Variants in GRIN2B observed in about 807,000 individuals in gnomAD.
GRIN2B encodes glutamate ionotropic receptor NMDA type subunit 2B.
GRIN2B carries 5 observed loss-of-function variants against 114.5 expected under a neutral mutation model. The observed-to-expected ratio is 0.04, with a 90% confidence interval of 0.02 to 0.09. GRIN2B has a LOEUF of 0.09. Ranked by LOEUF, GRIN2B falls within the 10% of genes least tolerant of loss-of-function variation. GRIN2B has a pLI of 1.00. For missense variants in GRIN2B, 1,108 were observed against 1,943.5 expected (o/e 0.57, Z 8.08); for synonymous variants, 787 against 745.1 (o/e 1.06, Z -0.92).
intron 3 of GRIN2B, among the ~76,000 whole-genome samples, chr12:13,800,969 CA>C (rs1341525932): frequency 6.6e-6 from 1 of 152,138 alleles, no homozygotes; most frequent in African/African-American, 2.4e-5. Context: ...CAAGTATTAA[CA>C]GTTTATACAA....
chr12:13,944,477 G>A (rs1319161058), intron 2 of GRIN2B, among the ~76,000 whole-genome samples: 1 of 152,186 alleles, frequency 6.6e-6, no homozygotes, highest in Non-Finnish European at 1.5e-5. Context: ...CTCTTGCTCT[G>A]TAGCCAGGTT....
intron 2 of GRIN2B, among the ~76,000 whole-genome samples, chr12:13,903,306 G>A (rs1866485898): frequency 6.6e-6 from 1 of 151,908 alleles, no homozygotes; most frequent in South Asian, 2.1e-4. Context: ...CTAACTTCAT[G>A]AGACAGATGT....
At chr12:13,638,053 C>G (rs1949680957) in intron 5 of GRIN2B, among the ~76,000 whole-genome samples, 1 of 152,124 alleles carries the variant, frequency 6.6e-6, no homozygotes, top group Non-Finnish European at 1.5e-5. Context: ...TCAGAAAAAC[C>G]TGCTGTCATC....
At chr12:13,771,833 A>C (rs1863915176) in intron 3 of GRIN2B, among the ~76,000 whole-genome samples, 1 of 152,252 alleles carries the variant, frequency 6.6e-6, no homozygotes, top group African/African-American at 2.4e-5. Flanking sequence ...TCATCATCTA[A>C]GCATCAGTCA....
chr12:13,806,357 G>A (rs558901525), intron 3 of GRIN2B, among the ~76,000 whole-genome samples: 1 of 152,138 alleles, frequency 6.6e-6, no homozygotes, highest in African/African-American at 2.4e-5. Context: ...TGCAAGTTAT[G>A]TTCTCATCCA....
chr12:13,865,574 G>GGTGA (rs1040808660), intron 3 of GRIN2B, among the ~76,000 whole-genome samples: 17 of 152,280 alleles, frequency 1.1e-4, no homozygotes, highest in South Asian at 2.1e-4. Flanking sequence ...GGAGGTTGCA[G>GGTGA]TGAGCCGAGA....
intron 2 of GRIN2B, among the ~76,000 whole-genome samples, chr12:13,902,706 A>G (rs1591612273): frequency 6.6e-6 from 1 of 152,082 alleles, no homozygotes; most frequent in African/African-American, 2.4e-5. Context: ...ACCTACTCAG[A>G]AGGCTGAGGC....
intron 3 of GRIN2B, among the ~76,000 whole-genome samples, chr12:13,821,509 T>C (rs969217306): frequency 6.6e-6 from 1 of 152,178 alleles, no homozygotes; most frequent in African/African-American, 2.4e-5. Flanking sequence ...GTTTAGTTAA[T>C]GGCCAGGTGA....
chr12:13,824,513 A>G (rs929067659), intron 3 of GRIN2B, among the ~76,000 whole-genome samples: 1 of 152,030 alleles, frequency 6.6e-6, no homozygotes, highest in Admixed American at 6.6e-5. Flanking sequence ...TTATCTCCTC[A>G]GTTCTGAGCC....
At chr12:13,607,914 T>C (rs980211065) in intron 10 of GRIN2B, among the ~76,000 whole-genome samples, 1 of 152,176 alleles carries the variant, frequency 6.6e-6, no homozygotes, top group Non-Finnish European at 1.5e-5. Flanking sequence ...GAAAATGTGA[T>C]GCTTCAGGCA....
chr12:13,964,109 A>C (rs57679712), intron 2 of GRIN2B, among the ~76,000 whole-genome samples: 22,222 of 152,156 alleles, frequency 0.15, 1,828 homozygotes, highest in African/African-American at 0.2. Flanking sequence ...CTAACATAGT[A>C]GACAATTATA....
At chr12:13,704,345 G>A (rs1950339659) in intron 4 of GRIN2B, among the ~76,000 whole-genome samples, 1 of 152,140 alleles carries the variant, frequency 6.6e-6, no homozygotes, top group African/African-American at 2.4e-5. Context: ...CTGATGAAAG[G>A]AAGAAGGATT....
At chr12:13,967,421 T>C (rs1272408275) in intron 2 of GRIN2B, among the ~76,000 whole-genome samples, 1 of 152,248 alleles carries the variant, frequency 6.6e-6, no homozygotes, top group African/African-American at 2.4e-5. Context: ...ATCCTGGTTG[T>C]GCCATTTAAG....
chr12:13,903,024 A>T (rs1295702356), intron 2 of GRIN2B, among the ~76,000 whole-genome samples: 2 of 152,084 alleles, frequency 1.3e-5, no homozygotes, highest in Admixed American at 1.3e-4. Context: ...TAATTTTTTT[A>T]ATTCATCAAC....
At chr12:13,746,559 CT>C (rs1392227814) in intron 4 of GRIN2B, among the ~76,000 whole-genome samples, 1 of 152,208 alleles carries the variant, frequency 6.6e-6, no homozygotes, top group African/African-American at 2.4e-5. Flanking sequence ...AAATGTAACT[CT>C]TTCCCCACTC....
intron 3 of GRIN2B, among the ~76,000 whole-genome samples, chr12:13,758,860 A>T (rs192051314): frequency 1.2e-3 from 189 of 152,292 alleles, no homozygotes; most frequent in African/African-American, 4.2e-3. Flanking sequence ...CAAGAGGATA[A>T]ACTATACCTT....
intron 3 of GRIN2B, among the ~76,000 whole-genome samples, chr12:13,773,032 A>G (rs910232905): frequency 2.6e-5 from 4 of 152,190 alleles, no homozygotes; most frequent in Non-Finnish European, 4.4e-5. Flanking sequence ...CAACACAATC[A>G]TAGGAAGAAC....
intron 2 of GRIN2B, among the ~76,000 whole-genome samples, chr12:13,940,165 T>C (rs938015408): frequency 5.3e-5 from 8 of 152,214 alleles, no homozygotes; most frequent in African/African-American, 1.9e-4. Context: ...TATTTTGCAA[T>C]AGGGCCTGCC....
intron 4 of GRIN2B, among the ~76,000 whole-genome samples, chr12:13,681,179 C>G (rs534530283): frequency 6.6e-6 from 1 of 152,120 alleles, no homozygotes; most frequent in Non-Finnish European, 1.5e-5. Context: ...TACTTTACCC[C>G]GCATGTCTTT....
Sources: gnomAD v4.1 joint callset for allele counts (sites outside exome capture counted in the v4.1 genomes callset) on GRCh38, gnomAD v4.1.1 for gene constraint, MANE v1.5 for transcripts, NCBI Gene and HGNC (gene_info 2026-07-23, HGNC 2026-07-21) for gene names.